Variants in SSX1 observed in about 807,000 individuals in gnomAD.
SSX1 encodes the protein protein SSX1.
Under a neutral mutation model 14.6 loss-of-function variants are expected in SSX1, and 58 were observed. That is an observed-to-expected ratio of 3.96 (90% confidence interval 3.21 to 4.93). The LOEUF (loss-of-function observed/expected upper bound fraction) is 4.93, where lower values mean the gene tolerates loss of function less well. Among genes scored for constraint, SSX1 ranks in the 30% most tolerant of loss-of-function variants. SSX1 has a pLI of 0.00. For synonymous variants in SSX1, 46 were observed against 52.1 expected, an observed-to-expected ratio of 0.88 and a Z score of 0.50; for missense variants, 272 against 143.1, an observed-to-expected ratio of 1.90 and a Z score of -4.60.
chrX:48,265,223 A>G (rs1160462149), intron 6 of SSX1, among the ~76,000 whole-genome samples: 1 of 112,069 alleles, frequency 8.9e-6, no homozygotes, highest in Non-Finnish European at 1.9e-5. Flanking sequence ...ATTATATACT[A>G]TTCTTTCTTT....
intron 6 of SSX1, among the ~76,000 whole-genome samples, chrX:48,265,302 G>A (rs1290200805): frequency 8.9e-6 from 1 of 111,985 alleles, no homozygotes; most frequent in South Asian, 3.7e-4. Context: ...ATCCTGTCTC[G>A]GCTTTCAGCA....
At chrX:48,263,176 C>T (rs1241560377) in intron 5 of SSX1, among the ~76,000 whole-genome samples, 2 of 110,634 alleles carry the variant, frequency 1.8e-5, no homozygotes, top group Non-Finnish European at 3.8e-5. Context: ...AGTGACACAT[C>T]CCAGTGTAAC....
chrX:48,262,496 A>T (rs2059607705), intron 5 of SSX1, among the ~76,000 whole-genome samples: 1 of 111,330 alleles, frequency 9.0e-6, no homozygotes, highest in Admixed American at 9.6e-5. Flanking sequence ...TACCGGGGCC[A>T]CTCCCATGGC....
chrX:48,256,992 A>T (rs1204224287), intron 1 of SSX1, among the ~76,000 whole-genome samples: 5 of 110,525 alleles, frequency 4.5e-5, no homozygotes, highest in Non-Finnish European at 5.7e-5. Flanking sequence ...CCAAAGACTC[A>T]AGGCTGCTAG....
chrX:48,261,013 A>C (rs1472643217), intron 4 of SSX1, among the ~76,000 whole-genome samples: 2 of 111,759 alleles, frequency 1.8e-5, no homozygotes, highest in African/African-American at 6.5e-5. Flanking sequence ...GTGACCCCTC[A>C]TCCAACACAC....
rs1377342402 is a variant in SSX1 at position 48,266,931 on chromosome X, C to T, written c.*82C>T. On this transcript the variant is annotated 3_prime_UTR_variant, in exon 8 of 8. Coordinates refer to ENST00000376919, the MANE Select transcript of SSX1 (RefSeq NM_005635.4). ...CACGAACATGGGCATGGCTGCGGCT[C>T]CCTCGTCATCAGGTGCATAGCAAGT... 6.2e-5 allele frequency: 64 copies of T among 1,035,782 alleles called. No homozygotes were observed. The highest frequency in any genetic ancestry group is 7.9e-5 in the Non-Finnish European group (59 of 749,395). 85.4% of individuals were successfully genotyped at this position (1,035,782 alleles called of 1,213,427 possible).
In SSX1 at chrX:48,266,344, T is replaced by C; in HGVS notation, c.524T>C (p.Val175Ala). 1 of 1,210,095 alleles carries C rather than the reference T, an allele frequency of 8.3e-7. No homozygotes were observed. Among genetic ancestry groups the C allele is most frequent in the Non-Finnish European group, 1.1e-6 (1 of 895,323 alleles). Residue 175 changes from valine (V) to alanine (A), a missense_variant, in exon 7 of 8, where the codon GTG becomes GCG. Coordinates refer to ENST00000376919, the MANE Select transcript of SSX1 (RefSeq NM_005635.4). ...THRLRERKQLVIYEEISDPEE... is the reference protein window; with the variant it reads ...THRLRERKQLAIYEEISDPEE... ...AGACTGCGTGAGAGAAAGCAGCTGG[T>C]GATTTATGAAGAGATCAGTGACCCT...
At chrX:48,264,130 T>C (rs1164282969) in intron 6 of SSX1, among the ~76,000 whole-genome samples, 5 of 112,112 alleles carry the variant, frequency 4.5e-5, no homozygotes, top group African/African-American at 1.3e-4. Context: ...GGACAAGTCT[T>C]CCAAATTTTC....
chrX:48,267,067 T>C lies in SSX1; in HGVS notation c.*218T>C. ...TCTTACAGTGTGCCATTCTGTTAGA[T>C]ACTATCCTTATAATTGATGAGCAAG... On this transcript the variant is annotated 3_prime_UTR_variant, in exon 8 of 8. Coordinates refer to ENST00000376919, the MANE Select transcript of SSX1 (RefSeq NM_005635.4). 3 of 447,634 alleles carry C rather than the reference T, an allele frequency of 6.7e-6. No homozygotes were observed. The highest frequency in any genetic ancestry group is 1.2e-5 in the Non-Finnish European group (3 of 255,393). The allele number at this position is 447,634 out of a possible 1,213,427, so 36.9% of individuals were successfully genotyped here.
intron 5 of SSX1, among the ~76,000 whole-genome samples, chrX:48,262,051 A>T (rs1210218834): frequency 1.8e-5 from 2 of 111,961 alleles, no homozygotes; most frequent in African/African-American, 6.5e-5. Context: ...TGGATTAATT[A>T]ATTTAATCCA....
At chrX:48,266,251 A>G in intron 6 of SSX1, 36 bp from the exon 7 acceptor site, 1 of 1,209,928 alleles carries the variant, frequency 8.3e-7, no homozygotes, top group Non-Finnish European at 1.1e-6. Flanking sequence ...TCTTCAACGT[A>G]CCCAACCCTC....
At position 48,266,913 on chromosome X, in the gene SSX1, A is replaced by G. The variant is rs2059625891; in HGVS notation, c.*64A>G. 9.1e-7 allele frequency: 1 copy of G among 1,104,322 alleles called. No individual in the cohort carries two copies. Among genetic ancestry groups the G allele is most frequent in the Non-Finnish European group, 1.2e-6 (1 of 811,229 alleles). 91.0% of individuals were successfully genotyped at this position (1,104,322 alleles called of 1,213,427 possible). ...CAGAACGTGGTGACCTTTCACGAAC[A>G]TGGGCATGGCTGCGGCTCCCTCGTC... is the stretch of plus-strand genomic sequence containing the variant. On this transcript the variant is annotated 3_prime_UTR_variant, in exon 8 of 8. Coordinates refer to ENST00000376919, the MANE Select transcript of SSX1 (RefSeq NM_005635.4).
Position 48,258,550 on chromosome X carries a change from CT to C in SSX1, c.200del (p.Leu67ProfsTer33), listed in dbSNP as rs2146610060. ...CTTCTTTCTAGGTTTCAAAGTCACCCTCCCACCTTTCATGTGTAATAAACAG... is the reference window on the plus strand; with the variant it reads ...CTTCTTTCTAGGTTTCAAAGTCACCCCCCACCTTTCATGTGTAATAAACAG... Reference protein sequence around the residue: ...AMTKLGFKVTLPPFMCNKQAT... With the variant: ...AMTKLGFKVTXPPFMCNKQAT... On this transcript the variant is annotated frameshift_variant, in exon 4 of 8. Transcript: ENST00000376919. LOFTEE classifies it high-confidence loss of function. 1 of 1,205,095 alleles carries C rather than the reference CT, an allele frequency of 8.3e-7. No homozygotes were observed. The highest frequency in any genetic ancestry group is 3.0e-5 in the East Asian group (1 of 33,641).
chrX:48,266,389 T>A lies in SSX1; in HGVS notation c.*2T>A, dbSNP rs782117228. 1 of 1,208,292 alleles carries A rather than the reference T, an allele frequency of 8.3e-7. No homozygotes were observed. Among genetic ancestry groups the A allele is most frequent in the Non-Finnish European group, 1.1e-6 (1 of 895,042 alleles). On this transcript the variant is annotated splice_region_variant and 3_prime_UTR_variant, in exon 7 of 8. Coordinates refer to ENST00000376919, the MANE Select transcript of SSX1 (RefSeq NM_005635.4). ...GACCCTGAGGAAGATGACGAGTAACTCCGTAAGTGAACCTTCGGCTCACCC... is the reference window on the plus strand; with the variant it reads ...GACCCTGAGGAAGATGACGAGTAACACCGTAAGTGAACCTTCGGCTCACCC...
intron 4 of SSX1, among the ~76,000 whole-genome samples, chrX:48,259,142 G>A (rs782250411): frequency 5.4e-5 from 6 of 110,907 alleles, no homozygotes; most frequent in African/African-American, 1.6e-4. Flanking sequence ...GATTACAGGC[G>A]CCCGCCACCA....
chrX:48,257,489 T>C, intron 2 of SSX1, 179 bp downstream of exon 2: 1 of 753,454 alleles, frequency 1.3e-6, no homozygotes, highest in Non-Finnish European at 1.6e-6. Flanking sequence ...GAGACAAGTC[T>C]CTGACCTTGC....
At position 48,266,893 on chromosome X, in the gene SSX1, C is replaced by A; in HGVS notation, c.*44C>A. ...CACATGCCCTTGATGAGAAGCAGAACGTGGTGACCTTTCACGAACATGGGC... is the reference window on the plus strand; with the variant it reads ...CACATGCCCTTGATGAGAAGCAGAAAGTGGTGACCTTTCACGAACATGGGC... On this transcript the variant is annotated 3_prime_UTR_variant, in exon 8 of 8. Transcript: ENST00000376919. 9.0e-7 allele frequency: 1 copy of A among 1,110,537 alleles called. No homozygotes were observed. The highest frequency in any genetic ancestry group is 1.2e-6 in the Non-Finnish European group (1 of 816,915). 91.5% of individuals were successfully genotyped at this position (1,110,537 alleles called of 1,213,427 possible).
At position 48,265,922 on chromosome X, in the gene SSX1, CA is replaced by C. The variant is rs782612320; in HGVS notation, c.467-359del. ...GTGTAAAATTGGTGAGAATTCCCCC[CA>C]AAAAATTACAGTGTCTGCATAGCAC... On this transcript the variant is annotated intron_variant, in intron 6 of 7. Transcript: ENST00000376919. Among the ~76,000 whole-genome samples, 95 of 111,404 alleles carry C rather than the reference CA, an allele frequency of 8.5e-4. No individual in the cohort carries two copies. In the East Asian group the frequency reaches 0.026, roughly 30 times the overall value.
At position 48,259,901 on chromosome X, in the gene SSX1, A is replaced by C. The variant is rs782784660; in HGVS notation, c.280+1270A>C. Among the ~76,000 whole-genome samples, 344 of 104,015 alleles carry C rather than the reference A, an allele frequency of 3.3e-3. 1 individual carries two copies. Among genetic ancestry groups the C allele is most frequent in the Middle Eastern group, 0.019 (4 of 210 alleles). The allele number at this position is 104,015 out of a possible 115,157, so 90.3% of individuals were successfully genotyped here. A position where few individuals can be genotyped will look rare whatever the true frequency, so the allele number is the denominator to read the frequency against. Reference sequence around the variant, plus strand: ...AGTCTTTGCTATTGTGAATAGTGCCACAATAAACATATGTGTGCATGTGTC... The same window carrying C: ...AGTCTTTGCTATTGTGAATAGTGCCCCAATAAACATATGTGTGCATGTGTC... On this transcript the variant is annotated intron_variant, in intron 4 of 7. Coordinates refer to ENST00000376919, the MANE Select transcript of SSX1 (RefSeq NM_005635.4).
Sources: allele counts gnomAD v4.1 joint callset (sites outside exome capture counted in the v4.1 genomes callset), GRCh38; gene constraint gnomAD v4.1.1; transcripts MANE v1.5; gene names NCBI Gene and HGNC (gene_info 2026-07-23, HGNC 2026-07-21).